Variants in CES5A observed in about 807,000 individuals in gnomAD.
CES5A encodes the protein carboxylesterase 5A, also known as carboxylesterase 5.
In CES5A, 67 loss-of-function variants were observed where a neutral mutation model predicts 62.9. The observed-to-expected ratio is 1.07, with a 90% confidence interval of 0.88 to 1.31. The LOEUF (loss-of-function observed/expected upper bound fraction) is 1.31. CES5A is among the 50% of genes most tolerant of loss of function. CES5A has a pLI of 0.00. For synonymous variants in CES5A, 296 were observed against 280.8 expected (o/e 1.05, Z -0.54); for missense variants, 748 against 708.5 (o/e 1.06, Z -0.63).
intron 1 of CES5A, among the ~76,000 whole-genome samples, chr16:55,892,375 C>T (rs2033889270): frequency 6.6e-6 from 1 of 152,140 alleles, no homozygotes; most frequent in South Asian, 2.1e-4. Flanking sequence ...CCAAGCTGCA[C>T]CCCAACCACC....
At chr16:55,950,585 T>C (rs1370319370) in intron 1 of CES5A, among the ~76,000 whole-genome samples, 1 of 149,974 alleles carries the variant, frequency 6.7e-6, no homozygotes, top group Non-Finnish European at 1.5e-5. Context: ...GAAACACAGA[T>C]GGAAGTTAAG....
chr16:55,854,528 T>TTTCTTTCTGTTTTCG, intron 9 of CES5A, among the ~76,000 whole-genome samples: 1 of 55,082 alleles, frequency 1.8e-5, no homozygotes, highest in African/African-American at 7.2e-5. Flanking sequence ...GCCTGTAGTG[T>TTTCTTTCTGTTTTCG]TTCTTTTTTT....
chr16:55,925,751 T>C (rs1255523111), upstream of CES5A, among the ~76,000 whole-genome samples: 1 of 151,904 alleles, frequency 6.6e-6, no homozygotes, highest in East Asian at 1.9e-4. Flanking sequence ...AGTGAAATAA[T>C]CCAAGCACAG....
chr16:55,871,101 A>T (rs1217284363), intron 3 of CES5A, among the ~76,000 whole-genome samples: 2 of 152,238 alleles, frequency 1.3e-5, no homozygotes, highest in East Asian at 3.8e-4. Context: ...CTGTTATGAT[A>T]CAAGACAGCC....
In CES5A at chr16:55,861,486, T is replaced by C; in HGVS notation, c.841A>G (p.Asn281Asp). Residue 281 changes from asparagine to aspartate, a missense_variant, in exon 7 of 13, where the codon AAT becomes GAT. Coordinates refer to ENST00000290567, the MANE Select transcript of CES5A (RefSeq NM_001143685.2). ...LQVVAHFCGNNASDSEALLRC... is the reference protein window; with the variant it reads ...LQVVAHFCGNDASDSEALLRC... ...AGCAGGGCCTCAGAGTCTGACGCATTGTTACCACAGAAATGTGCAACCACC... is the reference window on the plus strand; with the variant it reads ...AGCAGGGCCTCAGAGTCTGACGCATCGTTACCACAGAAATGTGCAACCACC... The C allele has an allele frequency of 6.2e-7, 1 of 1,613,840 alleles. No homozygotes were observed. Among genetic ancestry groups the C allele is most frequent in the Non-Finnish European group, 8.5e-7 (1 of 1,179,702 alleles).
At chr16:55,900,517 G>T (rs1393103075) in intron 1 of CES5A, among the ~76,000 whole-genome samples, 3 of 152,124 alleles carry the variant, frequency 2.0e-5, no homozygotes, top group African/African-American at 7.2e-5. Context: ...CCATAATAAA[G>T]CTTGTGCAGG....
intron 1 of CES5A, among the ~76,000 whole-genome samples, chr16:55,921,336 G>A (rs2034202299): frequency 1.3e-5 from 2 of 151,884 alleles, no homozygotes; most frequent in South Asian, 4.2e-4. Flanking sequence ...CAAAGGTCAA[G>A]GACAAAGAGA....
At chr16:55,866,763 G>C (rs7501313) in intron 4 of CES5A, among the ~76,000 whole-genome samples, 4 of 151,018 alleles carry the variant, frequency 2.6e-5, no homozygotes, top group Non-Finnish European at 5.9e-5. Context: ...GCTTGACCCC[G>C]GGAGGCGGAG....
intron 1 of CES5A, among the ~76,000 whole-genome samples, chr16:55,901,084 G>A (rs998523494): frequency 4.6e-5 from 7 of 152,120 alleles, no homozygotes; most frequent in African/African-American, 1.7e-4. Flanking sequence ...CACGTGTCAT[G>A]GGAGGGGCCT....
At chr16:55,922,868 G>A (rs2034222306) in intron 1 of CES5A, among the ~76,000 whole-genome samples, 1 of 151,646 alleles carries the variant, frequency 6.6e-6, no homozygotes, top group South Asian at 2.1e-4. Flanking sequence ...AGTAAAATTA[G>A]AAATGAATAA....
chr16:55,946,439 T>A (rs1359876390), intron 2 of CES5A, among the ~76,000 whole-genome samples: 2 of 152,198 alleles, frequency 1.3e-5, no homozygotes, highest in Admixed American at 1.3e-4. Flanking sequence ...ATCCTGTCGA[T>A]CCTTGTTCTT....
At chr16:55,948,370 TC>T (rs1189288417) in intron 2 of CES5A, among the ~76,000 whole-genome samples, 1 of 152,126 alleles carries the variant, frequency 6.6e-6, no homozygotes, top group Admixed American at 6.5e-5. Context: ...CAATTATGCA[TC>T]CGTCTCACGC....
intron 4 of CES5A, among the ~76,000 whole-genome samples, chr16:55,866,961 G>A (rs748631867): frequency 3.9e-4 from 59 of 152,306 alleles, no homozygotes; most frequent in Middle Eastern, 3.4e-3. Flanking sequence ...CACCTATGAG[G>A]TAGGTGGTGC....
At chr16:55,890,709 G>C (rs2033867725) in intron 1 of CES5A, among the ~76,000 whole-genome samples, 1 of 152,092 alleles carries the variant, frequency 6.6e-6, no homozygotes, top group Non-Finnish European at 1.5e-5. Context: ...TGAGGACTAA[G>C]CTCTGTTTTT....
At chr16:55,848,158 G>A (rs1323214714) in intron 11 of CES5A, among the ~76,000 whole-genome samples, 1 of 152,108 alleles carries the variant, frequency 6.6e-6, no homozygotes, top group African/African-American at 2.4e-5. Flanking sequence ...CCAGACTGGA[G>A]TTTAGGGCCA....
intron 1 of CES5A, among the ~76,000 whole-genome samples, chr16:55,874,326 G>T (rs779224646): frequency 6.6e-6 from 1 of 152,108 alleles, no homozygotes; most frequent in East Asian, 1.9e-4. Flanking sequence ...TGCTGAGAGC[G>T]CTTTCTTTCT....
At chr16:55,859,035 C>T (rs183971721) in intron 8 of CES5A, among the ~76,000 whole-genome samples, 1 of 152,344 alleles carries the variant, frequency 6.6e-6, no homozygotes, top group Admixed American at 6.5e-5. Flanking sequence ...CCAGAAAGCT[C>T]ATATGCTCAG....
At chr16:55,869,784 A>G (rs777831855) in intron 3 of CES5A, 40 bp from the exon 4 acceptor site, 2 of 1,566,996 alleles carry the variant, frequency 1.3e-6, no homozygotes, top group Non-Finnish European at 1.7e-6. Flanking sequence ...CCCACCAGGC[A>G]CCACCTCCCC....
intron 2 of CES5A, among the ~76,000 whole-genome samples, chr16:55,939,597 T>C (rs2034425569): frequency 6.6e-6 from 1 of 152,144 alleles, no homozygotes; most frequent in African/African-American, 2.4e-5. Flanking sequence ...TGTATAGTTC[T>C]GGGTCAAGAA....
Sources: allele counts gnomAD v4.1 joint callset (sites outside exome capture counted in the v4.1 genomes callset), GRCh38; gene constraint gnomAD v4.1.1; transcripts MANE v1.5; gene names NCBI Gene and HGNC (gene_info 2026-07-23, HGNC 2026-07-21).